The following NRXN3 variants were observed in gnomAD, a reference collection of about 807,000 sequenced individuals.
The protein encoded by NRXN3 is neurexin III.
In NRXN3, 32 loss-of-function variants were observed where a neutral mutation model predicts 137.6. That is an observed-to-expected ratio of 0.23 (90% CI 0.18 to 0.31). NRXN3 has a LOEUF of 0.31. Among genes scored for constraint, NRXN3 ranks in the 10% least tolerant of loss-of-function variants. The probability of loss-of-function intolerance (pLI) is 1.00; values close to 1 mark genes in which losing one functional copy is unlikely to be tolerated. For synonymous variants in NRXN3, 798 were observed against 784.5 expected (o/e 1.02, Z -0.29); for missense variants, 1,574 against 2,062.5 (o/e 0.76, Z 4.59).
chr14:78,378,144 A>C (rs1303510295), intron 4 of NRXN3, among the ~76,000 whole-genome samples: 1 of 152,192 alleles, frequency 6.6e-6, no homozygotes, highest in African/African-American at 2.4e-5. Flanking sequence ...CTTAGACACT[A>C]TACAAGAGAC....
intron 15 of NRXN3, among the ~76,000 whole-genome samples, chr14:79,146,786 C>T (rs777476943): frequency 1.3e-5 from 2 of 152,244 alleles, no homozygotes; most frequent in East Asian, 1.9e-4. Context: ...AGGGAGCTCT[C>T]GGAAGGAAAG....
chr14:78,978,019 A>G (rs760955924), intron 14 of NRXN3, among the ~76,000 whole-genome samples: 2 of 152,214 alleles, frequency 1.3e-5, no homozygotes. Context: ...ATCCATGGCC[A>G]TAACCAATTT....
At chr14:78,633,962 C>A (rs1002682272) in intron 4 of NRXN3, among the ~76,000 whole-genome samples, 1 of 152,222 alleles carries the variant, frequency 6.6e-6, no homozygotes, top group Non-Finnish European at 1.5e-5. Context: ...CCTCCCTCCC[C>A]CTGCAGGGGA....
intron 15 of NRXN3, among the ~76,000 whole-genome samples, chr14:79,302,856 A>G (rs1376902811): frequency 6.6e-6 from 1 of 151,854 alleles, no homozygotes; most frequent in African/African-American, 2.4e-5. Context: ...TTTATAAATT[A>G]CCCAGTCTCA....
At chr14:79,400,994 A>G (rs1037598494) in intron 15 of NRXN3, among the ~76,000 whole-genome samples, 1 of 152,104 alleles carries the variant, frequency 6.6e-6, no homozygotes, top group South Asian at 2.1e-4. Context: ...AGGCTGAAAC[A>G]TTTACAGTGT....
intron 16 of NRXN3, among the ~76,000 whole-genome samples, chr14:79,564,810 T>C (rs565005304): frequency 6.6e-6 from 1 of 152,270 alleles, no homozygotes; most frequent in Non-Finnish European, 1.5e-5. Context: ...CATACCTTAT[T>C]TGGTAAGGAC....
At chr14:79,356,980 G>A (rs188859337) in intron 15 of NRXN3, among the ~76,000 whole-genome samples, 4 of 152,080 alleles carry the variant, frequency 2.6e-5, no homozygotes, top group South Asian at 4.1e-4. Flanking sequence ...TGCCCACCTC[G>A]TCCTCCCAAA....
At chr14:79,176,488 C>T (rs538641638) in intron 15 of NRXN3, among the ~76,000 whole-genome samples, 1 of 152,308 alleles carries the variant, frequency 6.6e-6, no homozygotes, top group East Asian at 1.9e-4. Flanking sequence ...GATGTACAGA[C>T]TCTTCCCACT....
intron 4 of NRXN3, among the ~76,000 whole-genome samples, chr14:78,444,646 G>A (rs755262288): frequency 1.2e-4 from 18 of 152,158 alleles, no homozygotes; most frequent in South Asian, 2.1e-4. Context: ...TTGGCCAGGC[G>A]CAGTGGCTCA....
intron 10 of NRXN3, among the ~76,000 whole-genome samples, chr14:78,905,181 T>C (rs2099211554): frequency 6.6e-6 from 1 of 152,002 alleles, no homozygotes; most frequent in South Asian, 2.1e-4. Flanking sequence ...TCTGCCTCCT[T>C]TCCTTTGCCC....
chr14:78,495,689 T>C lies in NRXN3; in HGVS notation c.758-149431T>C, dbSNP rs544469576. On this transcript the variant is annotated intron_variant, in intron 4 of 20. Coordinates refer to ENST00000335750, the MANE Select transcript of NRXN3 (RefSeq NM_001330195.2). ...ATGCCCTTGATAGGAAATCTGTCAT[T>C]TGGAGGTCATTTTGGCCCTTTCTGG... 2.0e-5 allele frequency among the ~76,000 whole-genome samples: 3 copies of C among 152,220 alleles called. No individual in the cohort carries two copies. In the East Asian group the frequency reaches 5.8e-4, roughly 29 times the overall value.
chr14:79,274,101 CAAAA>C (rs569693397), intron 15 of NRXN3, among the ~76,000 whole-genome samples: 1 of 74,254 alleles, frequency 1.3e-5, no homozygotes. Context: ...GACTCCGTCT[CAAAA>C]AAAAAAAAAA....
chr14:78,578,759 G>A (rs1049045429), intron 4 of NRXN3, among the ~76,000 whole-genome samples: 5 of 152,008 alleles, frequency 3.3e-5, no homozygotes, highest in South Asian at 2.1e-4. Context: ...GAGACTTTGC[G>A]GATCACAGAG....
intron 19 of NRXN3, among the ~76,000 whole-genome samples, chr14:79,705,027 A>G (rs958315593): frequency 4.3e-4 from 66 of 152,296 alleles, no homozygotes; most frequent in African/African-American, 1.4e-3. Flanking sequence ...AGTCGATGAA[A>G]GGGTCCTGAG....
At chr14:79,026,931 A>ATATT (rs2099598961) in intron 15 of NRXN3, among the ~76,000 whole-genome samples, 2 of 138,340 alleles carry the variant, frequency 1.4e-5, no homozygotes, top group South Asian at 4.7e-4. Flanking sequence ...AAGTATATAT[A>ATATT]TATATAACTA....
At chr14:78,653,208 C>T (rs17835493) in intron 6 of NRXN3, among the ~76,000 whole-genome samples, 8,328 of 152,190 alleles carry the variant, frequency 0.055, 274 homozygotes, top group Middle Eastern at 0.14. Context: ...GAGATTTCAT[C>T]GTCATTTCTG....
chr14:79,747,317 C>T (rs570154427), intron 19 of NRXN3, among the ~76,000 whole-genome samples: 21 of 151,980 alleles, frequency 1.4e-4, no homozygotes, highest in Admixed American at 3.3e-4. Flanking sequence ...TTAAACCAGA[C>T]GGTGACATGA....
At chr14:79,647,407 T>C (rs2098457457) in intron 16 of NRXN3, among the ~76,000 whole-genome samples, 1 of 135,914 alleles carries the variant, frequency 7.4e-6, no homozygotes, top group African/African-American at 2.4e-5. Context: ...AACGGTCTGC[T>C]GTCATGCAAC....
At chr14:79,007,805 CAAAAAAAAAAAAAAA>C (rs1160867331) in intron 15 of NRXN3, among the ~76,000 whole-genome samples, 1 of 37,992 alleles carries the variant, frequency 2.6e-5, no homozygotes, top group Non-Finnish European at 6.0e-5. Context: ...GACTCCATCT[CAAAAAAAAAAAAAAA>C]AAAAAAAAGC....
Sources: allele counts gnomAD v4.1 joint callset (sites outside exome capture counted in the v4.1 genomes callset), GRCh38; gene constraint gnomAD v4.1.1; transcripts MANE v1.5; gene names NCBI Gene and HGNC (gene_info 2026-07-23, HGNC 2026-07-21).